DMRT3: variants seen among roughly 807,000 people sequenced by gnomAD.
DMRT3 encodes the protein doublesex- and mab-3-related transcription factor 3.
A neutral mutation model predicts 34.9 loss-of-function variants in DMRT3; 29 were observed. That is an observed-to-expected ratio of 0.83 (90% CI 0.62 to 1.13). DMRT3 has a LOEUF of 1.13. DMRT3 is among the 50% of genes most tolerant of loss of function. The pLI is 0.00. For synonymous variants in DMRT3, 350 were observed against 286.0 expected (o/e 1.22, Z -2.26); for missense variants, 772 against 629.1 (o/e 1.23, Z -2.43).
In DMRT3 at chr9:977,342, A is replaced by C; in HGVS notation, c.341A>C (p.Gln114Pro). Residue 114 changes from glutamine (Q) to proline (P), a missense_variant, in exon 1 of 2, where the codon CAG (glutamine) becomes CCG (proline). Gln to Pro is a moderately conservative substitution (Grantham distance 76, BLOSUM62 -1). Transcript: ENST00000190165. ...VAAPQPPPAS[Q>P]PSQPQPPRPA... ...GCCCCGCAGCCGCCGCCAGCCTCTC[A>C]GCCGTCGCAGCCGCAGCCGCCGCGC... 8.0e-7 allele frequency: 1 copy of C among 1,244,924 alleles called. No homozygotes were observed. Among genetic ancestry groups the C allele is most frequent in the Non-Finnish European group, 1.0e-6 (1 of 997,436 alleles). 77.1% of individuals were successfully genotyped at this position (1,244,924 alleles called of 1,614,324 possible). A position where few individuals can be genotyped will look rare whatever the true frequency, so the allele number is the denominator to read the frequency against.
At chr9:985,183 T>G (rs1820268853) in intron 1 of DMRT3, among the ~76,000 whole-genome samples, 1 of 152,192 alleles carries the variant, frequency 6.6e-6, no homozygotes, top group Admixed American at 6.5e-5. Context: ...TTTAAAAATA[T>G]GTACATGTTT....
At position 977,228 on chromosome 9, in the gene DMRT3, G is replaced by C. The variant is rs770422829; in HGVS notation, c.227G>C (p.Arg76Pro). ...RVMAAQVALR[R>P]QQANESLESL... ...ATGGCTGCGCAGGTGGCGCTGCGCC[G>C]GCAGCAGGCCAACGAGAGCTTGGAG... The change falls in exon 1 of 2, where the codon CGG (arginine) becomes CCG (proline). Residue 76 changes from arginine (R) to proline (P), a missense_variant. Coordinates refer to ENST00000190165, the MANE Select transcript of DMRT3 (RefSeq NM_021240.4). 1.2e-6 allele frequency: 2 copies of C among 1,601,310 alleles called. No individual in the cohort carries two copies. Among genetic ancestry groups the C allele is most frequent in the South Asian group, 1.1e-5 (1 of 89,336 alleles).
At position 990,346 on chromosome 9, in the gene DMRT3, G is replaced by A; in HGVS notation, c.760G>A (p.Val254Met). Residue 254 changes from valine to methionine, a missense_variant, in exon 2 of 2, where the codon GTG (valine) becomes ATG (methionine). Transcript: ENST00000190165. ...GAAAGCCAACAGACCGCCGCTTGAAGTGTTAAAAAAGATATTCCCCAACCA... is the reference window on the plus strand; with the variant it reads ...GAAAGCCAACAGACCGCCGCTTGAAATGTTAAAAAAGATATTCCCCAACCA... ...SLKANRPPLE[V>M]LKKIFPNQKP... is the part of the protein sequence containing the mutation. 6.2e-7 allele frequency: 1 copy of A among 1,613,874 alleles called. No individual in the cohort carries two copies. Among genetic ancestry groups the A allele is most frequent in the Non-Finnish European group, 8.5e-7 (1 of 1,180,034 alleles).
chr9:976,994 C>A lies in DMRT3; in HGVS notation c.-8C>A, dbSNP rs766173429. 16 of 1,480,952 alleles carry A rather than the reference C, an allele frequency of 1.1e-5. No homozygotes were observed. The highest frequency in any genetic ancestry group is 6.3e-6 in the Non-Finnish European group (7 of 1,114,164). 91.7% of individuals were successfully genotyped at this position (1,480,952 alleles called of 1,614,324 possible). A position where few individuals can be genotyped will look rare whatever the true frequency, so the allele number is the denominator to read the frequency against. On this transcript the variant is annotated 5_prime_UTR_variant, in exon 1 of 2. Transcript: ENST00000190165. The surrounding 1 kb of genome is among the most constrained non-coding windows in gnomAD (Gnocchi z 4.5). ...GCCAGGCTGCCAACTCATTCGGGAGCCCGGGGCATGAACGGCTACGGCTCC... is the reference window on the plus strand; with the variant it reads ...GCCAGGCTGCCAACTCATTCGGGAGACCGGGGCATGAACGGCTACGGCTCC...
Position 976,948 on chromosome 9 carries a change from G to C in DMRT3, c.-54G>C. Reference sequence around the variant, plus strand: ...GGGCCTCGCAGCCCCGCCGTCCAGCGCTCCCTGGCCCTCTCCCGCAGCCAG... The same window carrying C: ...GGGCCTCGCAGCCCCGCCGTCCAGCCCTCCCTGGCCCTCTCCCGCAGCCAG... On this transcript the variant is annotated 5_prime_UTR_variant, in exon 1 of 2. Coordinates refer to ENST00000190165, the MANE Select transcript of DMRT3 (RefSeq NM_021240.4). This position sits in a 1 kb window ranked among gnomAD's most constrained non-coding sequence, Gnocchi z 4.5. 3 of 1,389,796 alleles carry C rather than the reference G, an allele frequency of 2.2e-6. No homozygotes were observed. Among genetic ancestry groups the C allele is most frequent in the South Asian group, 3.4e-5 (2 of 59,450 alleles). The allele number at this position is 1,389,796 out of a possible 1,614,324, so 86.1% of individuals were successfully genotyped here.
At position 989,852 on chromosome 9, in the gene DMRT3, T is replaced by C. The variant is rs977607464; in HGVS notation, c.455-189T>C. On this transcript the variant is annotated intron_variant, in intron 1 of 1. Coordinates refer to ENST00000190165, the MANE Select transcript of DMRT3 (RefSeq NM_021240.4). ...GAAGCCACTCTGATTTCTAGATCTT[T>C]ATTTACAGGGTTTTTGTTTCATTTG... 35 of 664,674 alleles carry C rather than the reference T, an allele frequency of 5.3e-5. No homozygotes were observed. The East Asian group carries it at 9.4e-4, about 18-fold the overall frequency. 41.2% of individuals were successfully genotyped at this position (664,674 alleles called of 1,614,324 possible). A position where few individuals can be genotyped will look rare whatever the true frequency, so the allele number is the denominator to read the frequency against.
rs188232692 is a variant in DMRT3, at chr9:985,500, T to C, written c.455-4541T>C. ...TTTGTAAAGTTTATTTAAGAACAAA[T>C]CTGGAGATGTAAAGAAGTACCTGTT... On this transcript the variant is annotated intron_variant, in intron 1 of 1. Coordinates refer to ENST00000190165, the MANE Select transcript of DMRT3 (RefSeq NM_021240.4). 3.2e-3 allele frequency among the ~76,000 whole-genome samples: 481 copies of C among 152,356 alleles called. 4 individuals carry two copies. The highest frequency in any genetic ancestry group is 0.011 in the African/African-American group (458 of 41,594).
rs1820359797 is a variant in DMRT3, at chr9:991,156, C to G, written c.*151C>G. ...CTATACATTAGCAATAAAAACATAA[C>G]TTATTTAACTTCTTGCACTTCACTG... On this transcript the variant is annotated 3_prime_UTR_variant, in exon 2 of 2. Transcript: ENST00000190165. The G allele has an allele frequency of 9.4e-7, 1 of 1,063,356 alleles. No individual in the cohort carries two copies. Among genetic ancestry groups the G allele is most frequent in the Non-Finnish European group, 1.3e-6 (1 of 746,468 alleles). 65.9% of individuals were successfully genotyped at this position (1,063,356 alleles called of 1,614,324 possible).
At chr9:989,186 A>G (rs1820321211) in intron 1 of DMRT3, among the ~76,000 whole-genome samples, 1 of 152,214 alleles carries the variant, frequency 6.6e-6, no homozygotes, top group African/African-American at 2.4e-5. Context: ...CATGAACTGT[A>G]CCAGCAAAAC....
In DMRT3 at chr9:976,988, C is replaced by A. The variant is rs760176918; in HGVS notation, c.-14C>A. ...CCCGCAGCCAGGCTGCCAACTCATT[C>A]GGGAGCCCGGGGCATGAACGGCTAC... On this transcript the variant is annotated 5_prime_UTR_variant, in exon 1 of 2. Transcript: ENST00000190165. This position sits in a 1 kb window ranked among gnomAD's most constrained non-coding sequence, Gnocchi z 4.5. 1 of 1,472,138 alleles carries A rather than the reference C, an allele frequency of 6.8e-7. No individual in the cohort carries two copies. Among genetic ancestry groups the A allele is most frequent in the Non-Finnish European group, 9.0e-7 (1 of 1,109,606 alleles). 91.2% of individuals were successfully genotyped at this position (1,472,138 alleles called of 1,614,324 possible).
In DMRT3 at chr9:990,983, G is replaced by C; in HGVS notation, c.1397G>C (p.Arg466Thr). ...YDERSDSSDS[R>T]TLNTSS ...GAGAGGTCTGACTCCTCAGACTCTAGAACACTCAACACATCATCTTAAAGT... is the reference window on the plus strand; with the variant it reads ...GAGAGGTCTGACTCCTCAGACTCTACAACACTCAACACATCATCTTAAAGT... The change falls in exon 2 of 2, where the codon AGA (arginine) becomes ACA (threonine). Residue 466 changes from arginine to threonine, a missense_variant. By Grantham distance (71) the Arg-to-Thr change is moderately conservative. Transcript: ENST00000190165. 6.2e-7 allele frequency: 1 copy of C among 1,613,188 alleles called. No homozygotes were observed. The highest frequency in any genetic ancestry group is 1.1e-5 in the South Asian group (1 of 91,008).
intron 1 of DMRT3, among the ~76,000 whole-genome samples, chr9:978,546 A>G (rs186410377): frequency 7.2e-5 from 11 of 152,080 alleles, no homozygotes; most frequent in African/African-American, 2.4e-4. Context: ...TGACCTGCCA[A>G]CTCCCTAAAG....
chr9:987,275 A>C (rs1219132650), intron 1 of DMRT3, among the ~76,000 whole-genome samples: 1 of 152,176 alleles, frequency 6.6e-6, no homozygotes, highest in Non-Finnish European at 1.5e-5. Flanking sequence ...TATTCTTGGT[A>C]TCGAATATAA....
chr9:990,665 C>A lies in DMRT3; in HGVS notation c.1079C>A (p.Pro360His), dbSNP rs2130077994. The change falls in exon 2 of 2, where the codon CCC becomes CAC. Residue 360 changes from proline to histidine, a missense_variant. Coordinates refer to ENST00000190165, the MANE Select transcript of DMRT3 (RefSeq NM_021240.4). ...AGTCCCTTGGCTGGGCCTCTGCAGC[C>A]CCCTTTCCCCCAGCCACCCCGGTAC... ...VPSPLAGPLQ[P>H]PFPQPPRYPL... 3 of 1,614,090 alleles carry A rather than the reference C, an allele frequency of 1.9e-6. No individual in the cohort carries two copies. Among genetic ancestry groups the A allele is most frequent in the Non-Finnish European group, 2.5e-6 (3 of 1,180,008 alleles).
chr9:984,415 G>A (rs577280233), intron 1 of DMRT3, among the ~76,000 whole-genome samples: 39 of 151,764 alleles, frequency 2.6e-4, no homozygotes, highest in African/African-American at 8.9e-4. Context: ...TAATTGGATA[G>A]AATGGATATA....
At chr9:986,012 A>G (rs1375512998) in intron 1 of DMRT3, among the ~76,000 whole-genome samples, 1 of 152,248 alleles carries the variant, frequency 6.6e-6, no homozygotes, top group Non-Finnish European at 1.5e-5. Context: ...GGCTATAGCC[A>G]GACGGCACAG....
In DMRT3 at chr9:991,224, GT is replaced by G. The variant is rs1485786559; in HGVS notation, c.*222del. The G allele has an allele frequency of 5.0e-5, 26 of 525,150 alleles. No homozygotes were observed. The highest frequency in any genetic ancestry group is 4.4e-4 in the African/African-American group (23 of 52,364). The allele number at this position is 525,150 out of a possible 1,614,324, so 32.5% of individuals were successfully genotyped here. On this transcript the variant is annotated 3_prime_UTR_variant, in exon 2 of 2. Coordinates refer to ENST00000190165, the MANE Select transcript of DMRT3 (RefSeq NM_021240.4). ...CTGTTCTGTGGCTTTAGTGCTGAATGTTTATTGTAAAAGAGAGTCTAATGTT... is the reference window on the plus strand; with the variant it reads ...CTGTTCTGTGGCTTTAGTGCTGAATGTTATTGTAAAAGAGAGTCTAATGTT...
chr9:985,265 G>C (rs550745529), intron 1 of DMRT3, among the ~76,000 whole-genome samples: 45 of 152,264 alleles, frequency 3.0e-4, no homozygotes, highest in African/African-American at 1.0e-3. Context: ...TTTCTTCCCT[G>C]TTTAATAGCT....
Position 991,095 on chromosome 9 carries a change from C to G in DMRT3, c.*90C>G. On this transcript the variant is annotated 3_prime_UTR_variant, in exon 2 of 2. Transcript: ENST00000190165. ...GGAGAGGCCACATCTTGTGTATGCC[C>G]TTTCCTTCTGTTTGACAAAGTGACT... 6.8e-7 allele frequency: 1 copy of G among 1,474,544 alleles called. No homozygotes were observed. The highest frequency in any genetic ancestry group is 9.1e-7 in the Non-Finnish European group (1 of 1,099,810). 91.3% of individuals were successfully genotyped at this position (1,474,544 alleles called of 1,614,324 possible).
Sources: gnomAD v4.1 joint callset for allele counts (sites outside exome capture counted in the v4.1 genomes callset) on GRCh38, gnomAD v4.1.1 for gene constraint, Gnocchi (gnomAD v3.1) non-coding constraint, MANE v1.5 for transcripts, NCBI Gene and HGNC (gene_info 2026-07-23, HGNC 2026-07-21) for gene names.